The following WWOX variants were observed in gnomAD, a reference collection of about 807,000 sequenced individuals.
The protein encoded by WWOX is WW domain-containing oxidoreductase.
In WWOX, 69 loss-of-function variants were observed where a neutral mutation model predicts 46.2. The ratio of observed to expected loss-of-function variants is 1.49; its 90% CI spans 1.23 to 1.82. The LOEUF is 1.82. WWOX is among the 40% of genes most tolerant of loss of function. The pLI is 0.00. For missense variants in WWOX, 919 were observed against 542.6 expected (o/e 1.69, Z -6.89); for synonymous variants, 359 against 202.6 (o/e 1.77, Z -6.56).
At chr16:78,578,585 G>A (rs1277713194) in intron 8 of WWOX, among the ~76,000 whole-genome samples, 1 of 151,862 alleles carries the variant, frequency 6.6e-6, no homozygotes, top group Non-Finnish European at 1.5e-5. Flanking sequence ...ACCGCGGCTG[G>A]CGAAAATTAT....
At chr16:78,396,426 C>A (rs2082289012) in intron 6 of WWOX, among the ~76,000 whole-genome samples, 1 of 152,186 alleles carries the variant, frequency 6.6e-6, no homozygotes, top group South Asian at 2.1e-4. Flanking sequence ...GATTTCCCAA[C>A]AGAATCCTAG....
At chr16:79,136,522 C>G (rs1028047010) in intron 8 of WWOX, among the ~76,000 whole-genome samples, 10 of 152,124 alleles carry the variant, frequency 6.6e-5, no homozygotes, top group South Asian at 2.1e-4. Context: ...AGCTACCATG[C>G]CTGGCCCTGA....
intron 5 of WWOX, among the ~76,000 whole-genome samples, chr16:78,295,567 C>T (rs575038681): frequency 5.9e-5 from 9 of 152,132 alleles, no homozygotes; most frequent in African/African-American, 9.6e-5. Context: ...AAAAATTAGC[C>T]GGACATGATG....
chr16:78,940,062 C>A (rs528600109), intron 8 of WWOX, among the ~76,000 whole-genome samples: 1 of 152,088 alleles, frequency 6.6e-6, no homozygotes, highest in Non-Finnish European at 1.5e-5. Flanking sequence ...TACTTTCATC[C>A]CATTATACAA....
chr16:78,985,705 G>A (rs2046771283), intron 8 of WWOX, among the ~76,000 whole-genome samples: 1 of 152,214 alleles, frequency 6.6e-6, no homozygotes, highest in African/African-American at 2.4e-5. Flanking sequence ...AGAGATGGAG[G>A]TTGCAGTGAG....
chr16:78,550,087 A>C (rs900197133), intron 8 of WWOX, among the ~76,000 whole-genome samples: 3 of 152,240 alleles, frequency 2.0e-5, no homozygotes, highest in Non-Finnish European at 4.4e-5. Flanking sequence ...TCTTTATTTC[A>C]AAAAGAGTGG....
rs141241537 is a variant in WWOX, at chr16:78,657,980, G to A, written c.1056+225228G>A. Among the ~76,000 whole-genome samples the A allele has an allele frequency of 9.4e-4, 143 of 152,150 alleles. No individual in the cohort carries two copies. The Middle Eastern group carries it at 0.01, about 11-fold the overall frequency. On this transcript the variant is annotated intron_variant, in intron 8 of 8. Coordinates refer to ENST00000566780, the MANE Select transcript of WWOX (RefSeq NM_016373.4). ...GTGGACTCAGAGGCCAAGTGACTTT[G>A]ATTTTTCACTTTATCCTGGAGTTTC...
chr16:78,567,851 G>C (rs2151568424), intron 8 of WWOX, among the ~76,000 whole-genome samples: 1 of 152,248 alleles, frequency 6.6e-6, no homozygotes, highest in Non-Finnish European at 1.5e-5. Context: ...GAGTGACAGA[G>C]TGTGTCAAGC....
intron 8 of WWOX, among the ~76,000 whole-genome samples, chr16:78,683,694 G>A (rs901664627): frequency 6.6e-6 from 1 of 152,058 alleles, no homozygotes; most frequent in East Asian, 1.9e-4. Context: ...GAGCTGCCAC[G>A]CCTCACCTCT....
chr16:78,475,778 T>C (rs1184655716), intron 8 of WWOX, among the ~76,000 whole-genome samples: 1 of 152,124 alleles, frequency 6.6e-6, no homozygotes, highest in East Asian at 1.9e-4. Context: ...GCATTTTTAG[T>C]AGAGACGCGT....
intron 8 of WWOX, chr16:78,996,376 A>ACCCCCC (rs1338159064): frequency 6.4e-6 from 3 of 472,336 alleles, no homozygotes; most frequent in African/African-American, 1.0e-4. Flanking sequence ...TTCTGCACCC[A>ACCCCCC]CCCCCGCCCC....
intron 8 of WWOX, among the ~76,000 whole-genome samples, chr16:78,844,934 A>G (rs1417974523): frequency 5.3e-5 from 8 of 152,176 alleles, no homozygotes; most frequent in Non-Finnish European, 1.0e-4. Context: ...TGGCCCTGAG[A>G]GAACAACAAA....
At chr16:78,537,702 C>T (rs940095982) in intron 8 of WWOX, among the ~76,000 whole-genome samples, 1 of 152,030 alleles carries the variant, frequency 6.6e-6, no homozygotes. Flanking sequence ...TCCCAGCTGC[C>T]ACAGTTCATG....
At chr16:78,757,722 T>G (rs951863098) in intron 8 of WWOX, among the ~76,000 whole-genome samples, 7 of 151,882 alleles carry the variant, frequency 4.6e-5, no homozygotes, top group Non-Finnish European at 8.8e-5. Context: ...TTTTTATTTA[T>G]TTATATAAGT....
intron 5 of WWOX, among the ~76,000 whole-genome samples, chr16:78,333,948 G>T (rs554260927): frequency 1.3e-5 from 2 of 149,758 alleles, no homozygotes; most frequent in Non-Finnish European, 3.0e-5. Context: ...AACCTTGCGT[G>T]ATCCACTGAT....
At chr16:79,142,495 C>T (rs924798364) in intron 8 of WWOX, among the ~76,000 whole-genome samples, 1 of 152,140 alleles carries the variant, frequency 6.6e-6, no homozygotes, top group African/African-American at 2.4e-5. Context: ...CAAAGCTGAT[C>T]ATTAAACATT....
intron 8 of WWOX, among the ~76,000 whole-genome samples, chr16:78,598,628 G>C (rs892169698): frequency 6.6e-6 from 1 of 152,102 alleles, no homozygotes; most frequent in Non-Finnish European, 1.5e-5. Flanking sequence ...CATTTGGCAG[G>C]CAAACGTTTT....
intron 8 of WWOX, among the ~76,000 whole-genome samples, chr16:78,719,943 G>A (rs991973947): frequency 6.6e-6 from 1 of 152,110 alleles, no homozygotes; most frequent in African/African-American, 2.4e-5. Flanking sequence ...TTTCACCAAA[G>A]TGTTCTATTC....
intron 5 of WWOX, among the ~76,000 whole-genome samples, chr16:78,332,588 C>T (rs537671906): frequency 2.0e-5 from 3 of 152,286 alleles, no homozygotes; most frequent in East Asian, 1.9e-4. Flanking sequence ...TTATATAGTT[C>T]AATTAAGCGG....
Sources: gnomAD v4.1 joint callset for allele counts (sites outside exome capture counted in the v4.1 genomes callset) on GRCh38, gnomAD v4.1.1 for gene constraint, MANE v1.5 for transcripts, NCBI Gene and HGNC (gene_info 2026-07-23, HGNC 2026-07-21) for gene names.